ADAM30: variants seen among roughly 807,000 people sequenced by gnomAD.
ADAM30 encodes ADAM metallopeptidase domain 30.
For missense variants in ADAM30, 960 were observed against 959.4 expected (o/e 1.00, Z -0.01); for synonymous variants, 382 against 340.9 (o/e 1.12, Z -1.33).
chr1:119,894,534 A>C lies in ADAM30; in HGVS notation c.1803T>G (p.Pro601=), dbSNP rs1648520008. 1.2e-6 allele frequency: 2 copies of C among 1,613,888 alleles called. No homozygotes were observed. The highest frequency in any genetic ancestry group is 1.7e-6 in the Non-Finnish European group (2 of 1,180,050). ...TGCCATCATTTATCATACCTAGGTC[A>C]GGTATTCCCATGGGTTTCATGGATA... ...YHLSMKPMGI[P]DLGMINDGTS... Residue 601 remains proline, a synonymous_variant, in exon 1 of 1, where the codon CCT becomes CCG. Transcript: ENST00000369400.
rs587666224 is a variant in ADAM30, at chr1:119,896,384, C to T, written c.-48G>A. On this transcript the variant is annotated 5_prime_UTR_variant, in exon 1 of 1. Coordinates refer to ENST00000369400, the MANE Select transcript of ADAM30 (RefSeq NM_021794.4). ...AGTTTGCTATTCAGTCCCTGCAACT[C>T]TGGCCTCGCGAGTCAGATTTCTGGG... 2.0e-6 allele frequency: 3 copies of T among 1,484,582 alleles called. No homozygotes were observed. In the African/African-American group the frequency reaches 4.2e-5, roughly 21 times the overall value. The allele number at this position is 1,484,582 out of a possible 1,614,324, so 92.0% of individuals were successfully genotyped here. A position where few individuals can be genotyped will look rare whatever the true frequency, so the allele number is the denominator to read the frequency against.
rs763926510 is a variant in ADAM30 at position 119,894,536 on chromosome 1, G to C, written c.1801C>G (p.Pro601Ala). The change falls in exon 1 of 1, where the codon CCT (proline) becomes GCT (alanine). Residue 601 changes from proline to alanine, a missense_variant. Transcript: ENST00000369400. ...CCATCATTTATCATACCTAGGTCAG[G>C]TATTCCCATGGGTTTCATGGATAGA... ...YHLSMKPMGI[P>A]DLGMINDGTS... 3 of 1,613,914 alleles carry C rather than the reference G, an allele frequency of 1.9e-6. No individual in the cohort carries two copies. Among genetic ancestry groups the C allele is most frequent in the Non-Finnish European group, 2.5e-6 (3 of 1,180,034 alleles).
At position 119,895,125 on chromosome 1, in the gene ADAM30, G is replaced by A; in HGVS notation, c.1212C>T (p.Asn404=). The A allele has an allele frequency of 6.2e-7, 1 of 1,614,084 alleles. No individual in the cohort carries two copies. The highest frequency in any genetic ancestry group is 1.3e-5 in the African/African-American group (1 of 75,032). Reference sequence around the variant, plus strand: ...ATTCCTCATTGTCCTCCACAATTTTGTTTCCACATCTCTTAAGCACATAAC... The same window carrying A: ...ATTCCTCATTGTCCTCCACAATTTTATTTCCACATCTCTTAAGCACATAAC... The part of the protein sequence containing the change: ...GLGYVLKRCG[N]KIVEDNEECD... Residue 404 remains asparagine, a synonymous_variant, in exon 1 of 1, where the codon AAC becomes AAT. Coordinates refer to ENST00000369400, the MANE Select transcript of ADAM30 (RefSeq NM_021794.4).
rs774566440 is a variant in ADAM30 at position 119,894,159 on chromosome 1, G to C, written c.2178C>G (p.Ser726=). The change falls in exon 1 of 1, where the codon TCC becomes TCG. Residue 726 remains serine, a synonymous_variant. Coordinates refer to ENST00000369400, the MANE Select transcript of ADAM30 (RefSeq NM_021794.4). ...ATTCTTCCTGTTCAGTTTTTGCTTT[G>C]GATAGTGGCATTTTTTCCTGTTTGG... is the stretch of plus-strand genomic sequence containing the variant. ...LKPKQEKMPL[S]KAKTEQEESK... 10 of 1,613,022 alleles carry C rather than the reference G, an allele frequency of 6.2e-6. No homozygotes were observed. In the East Asian group the frequency reaches 1.8e-4, roughly 29 times the overall value.
chr1:119,895,080 C>T lies in ADAM30; in HGVS notation c.1257G>A (p.Glu419=). 6.2e-7 allele frequency: 1 copy of T among 1,614,170 alleles called. No individual in the cohort carries two copies. Among genetic ancestry groups the T allele is most frequent in the Non-Finnish European group, 8.5e-7 (1 of 1,180,038 alleles). ...DNEECDCGST[E]ECQKDRCCQS... is the part of the protein sequence containing the mutation. ...GGCAACACCGATCTTTCTGACACTC[C>T]TCTGTGGAACCACAGTCACATTCCT... The change falls in exon 1 of 1, where the codon GAG becomes GAA. Residue 419 remains glutamate, a synonymous_variant. Coordinates refer to ENST00000369400, the MANE Select transcript of ADAM30 (RefSeq NM_021794.4).
In ADAM30 at chr1:119,894,991, C is replaced by T. The variant is rs762145751; in HGVS notation, c.1346G>A (p.Arg449Gln). The change falls in exon 1 of 1, where the codon CGG becomes CAG. Residue 449 changes from arginine (R) to glutamine (Q), a missense_variant. By Grantham distance (43) the Arg-to-Gln change is conservative (BLOSUM62 1). Transcript: ENST00000369400. ...CSIGLCCHDC[R>Q]FRPSGYVCRQ... Reference sequence around the variant, plus strand: ...ACACACGTATCCAGATGGACGAAACCGACAATCATGACAGCAAAGTCCAAT... The same window carrying T: ...ACACACGTATCCAGATGGACGAAACTGACAATCATGACAGCAAAGTCCAAT... The T allele has an allele frequency of 6.2e-6, 10 of 1,614,034 alleles. No individual in the cohort carries two copies. The highest frequency in any genetic ancestry group is 3.3e-5 in the South Asian group (3 of 91,086).
At position 119,895,768 on chromosome 1, in the gene ADAM30, G is replaced by A. The variant is rs1336336681; in HGVS notation, c.569C>T (p.Ala190Val). The A allele has an allele frequency of 1.2e-6, 2 of 1,613,930 alleles. No homozygotes were observed. The highest frequency in any genetic ancestry group is 1.7e-6 in the Non-Finnish European group (2 of 1,180,000). The change falls in exon 1 of 1, where the codon GCG becomes GTG. Residue 190 changes from alanine to valine, a missense_variant. Physicochemically the swap from Ala to Val is moderately conservative, Grantham distance 64. Coordinates refer to ENST00000369400, the MANE Select transcript of ADAM30 (RefSeq NM_021794.4). ...GGATCCAGGAAAGTCCCTTAGCCTCGCCTTATTCTCATAAGGGGCCATCTG... is the reference window on the plus strand; with the variant it reads ...GGATCCAGGAAAGTCCCTTAGCCTCACCTTATTCTCATAAGGGGCCATCTG... ...EWQMAPYENK[A>V]RLRDFPGSYK...
rs377252026 is a variant in ADAM30 at position 119,895,927 on chromosome 1, A to C, written c.410T>G (p.Phe137Cys). The change falls in exon 1 of 1, where the codon TTT becomes TGT. Residue 137 changes from phenylalanine to cysteine, a missense_variant. Physicochemically the swap from Phe to Cys is radical, Grantham distance 205 (BLOSUM62 -2). Coordinates refer to ENST00000369400, the MANE Select transcript of ADAM30 (RefSeq NM_021794.4). ...TTGGTAATGTTTGGCATCAATGTTA[A>C]ATACACCTCGGAGACCCCCCATGCA... ...STCMGGLRGV[F>C]NIDAKHYQIE... is the part of the protein sequence containing the mutation. 31 of 1,614,150 alleles carry C rather than the reference A, an allele frequency of 1.9e-5. No homozygotes were observed. The highest frequency in any genetic ancestry group is 2.3e-5 in the Non-Finnish European group (27 of 1,180,030).
Position 119,895,670 on chromosome 1 carries a change from G to A in ADAM30, c.667C>T (p.Leu223Phe). 1 of 1,614,126 alleles carries A rather than the reference G, an allele frequency of 6.2e-7. No individual in the cohort carries two copies. Among genetic ancestry groups the A allele is most frequent in the South Asian group, 1.1e-5 (1 of 91,070 alleles). Residue 223 changes from leucine (L) to phenylalanine (F), a missense_variant, in exon 1 of 1, where the codon CTT (leucine) becomes TTT (phenylalanine). Coordinates refer to ENST00000369400, the MANE Select transcript of ADAM30 (RefSeq NM_021794.4). ...QSRYRFVNNN[L>F]SQVIHDAILL... ...ATGGCATCATGTATGACTTGAGAAA[G>A]ATTGTTGTTCACAAACCTATACCTA...
chr1:119,893,888 A>C lies in ADAM30; in HGVS notation c.*76T>G. 6.6e-7 allele frequency: 1 copy of C among 1,524,360 alleles called. No individual in the cohort carries two copies. The highest frequency in any genetic ancestry group is 8.8e-7 in the Non-Finnish European group (1 of 1,142,702). 94.4% of individuals were successfully genotyped at this position (1,524,360 alleles called of 1,614,324 possible). On this transcript the variant is annotated 3_prime_UTR_variant, in exon 1 of 1. Transcript: ENST00000369400. ...AAAGTAAAAAAATATTGGGAGAAGA[A>C]TGGAAAGCCTTTGGATAAATGATTA...
At position 119,894,603 on chromosome 1, in the gene ADAM30, A is replaced by G. The variant is rs1557794544; in HGVS notation, c.1734T>C (p.His578=). The change falls in exon 1 of 1, where the codon CAT becomes CAC. Residue 578 remains histidine (H), a synonymous_variant. Coordinates refer to ENST00000369400, the MANE Select transcript of ADAM30 (RefSeq NM_021794.4). ...AGCACATGAGATTTTCTGCCTGTAA[A>G]TGAGTAGAAATTATAGTCGTATGCT... is the stretch of plus-strand genomic sequence containing the variant. ...LPEHTTIIST[H]LQAENLMCWG... is the part of the protein sequence containing the mutation. The G allele has an allele frequency of 2.5e-6, 4 of 1,614,192 alleles. No individual in the cohort carries two copies. The highest frequency in any genetic ancestry group is 3.4e-6 in the Non-Finnish European group (4 of 1,180,052).
chr1:119,894,829 C>A lies in ADAM30; in HGVS notation c.1508G>T (p.Arg503Ile). The A allele has an allele frequency of 6.2e-7, 1 of 1,614,248 alleles. No individual in the cohort carries two copies. Among genetic ancestry groups the A allele is most frequent in the Non-Finnish European group, 8.5e-7 (1 of 1,180,042 alleles). ...GRCFRKGCRSRYMQCQSIFGP... is the reference protein window; with the variant it reads ...GRCFRKGCRSIYMQCQSIFGP... ...AAAAATGCTTTGGCACTGCATATAT[C>A]TGGATCTGCACCCCTTCCTGAAACA... Residue 503 changes from arginine (R) to isoleucine (I), a missense_variant, in exon 1 of 1, where the codon AGA (arginine) becomes ATA (isoleucine). Coordinates refer to ENST00000369400, the MANE Select transcript of ADAM30 (RefSeq NM_021794.4).
Position 119,895,309 on chromosome 1 carries a change from G to A in ADAM30, c.1028C>T (p.Ala343Val). The part of the protein sequence containing the change: ...ATWSAHELGH[A>V]VGMSHDEQYC... ...TTGTTCATCATGTGACATTCCTACA[G>A]CATGACCCAGCTCATGAGCAGACCA... The change falls in exon 1 of 1, where the codon GCT (alanine) becomes GTT (valine). Residue 343 changes from alanine to valine, a missense_variant. Transcript: ENST00000369400. The A allele has an allele frequency of 6.2e-7, 1 of 1,614,072 alleles. No homozygotes were observed. Among genetic ancestry groups the A allele is most frequent in the Non-Finnish European group, 8.5e-7 (1 of 1,180,012 alleles).
Position 119,894,266 on chromosome 1 carries a change from T to C in ADAM30, c.2071A>G (p.Ile691Val). The C allele has an allele frequency of 6.2e-7, 1 of 1,614,242 alleles. No homozygotes were observed. The highest frequency in any genetic ancestry group is 8.5e-7 in the Non-Finnish European group (1 of 1,180,046). The change falls in exon 1 of 1, where the codon ATC (isoleucine) becomes GTC (valine). Residue 691 changes from isoleucine (I) to valine (V), a missense_variant. Coordinates refer to ENST00000369400, the MANE Select transcript of ADAM30 (RefSeq NM_021794.4). ...AATAAAATAAGGCGAAACATTATGA[T>C]GGACACAACCCAAATTGACGAGGGA... ...AIPSSIWVVS[I>V]IMFRLILLIL... is the part of the protein sequence containing the mutation.
Position 119,895,960 on chromosome 1 carries a change from A to G in ADAM30, c.377T>C (p.Ile126Thr). Residue 126 changes from isoleucine to threonine, a missense_variant, in exon 1 of 1, where the codon ATA becomes ACA. Transcript: ENST00000369400. ...VKESLDSKAT[I>T]STCMGGLRGV... Reference sequence around the variant, plus strand: ...TCGGAGACCCCCCATGCATGTGCTTATAGTAGCTTTAGAGTCCAGAGACTC... The same window carrying G: ...TCGGAGACCCCCCATGCATGTGCTTGTAGTAGCTTTAGAGTCCAGAGACTC... The G allele has an allele frequency of 6.2e-7, 1 of 1,614,154 alleles. No homozygotes were observed.
rs1290252266 is a variant in ADAM30, at chr1:119,895,774, T to TTC, written c.561_562dup (p.Asn188ArgfsTer6). On this transcript the variant is annotated frameshift_variant, in exon 1 of 1. Coordinates refer to ENST00000369400, the MANE Select transcript of ADAM30 (RefSeq NM_021794.4). LOFTEE classifies it low-confidence loss of function (END_TRUNC). ...AGGAAAGTCCCTTAGCCTCGCCTTA[T>TTC]TCTCATAAGGGGCCATCTGCCATTC... 6.2e-7 allele frequency: 1 copy of TTC among 1,614,030 alleles called. No individual in the cohort carries two copies. Among genetic ancestry groups the TTC allele is most frequent in the African/African-American group, 1.3e-5 (1 of 74,916 alleles).
At position 119,896,070 on chromosome 1, in the gene ADAM30, G is replaced by A. The variant is rs767005904; in HGVS notation, c.267C>T (p.Arg89=). 6.2e-7 allele frequency: 1 copy of A among 1,614,128 alleles called. No individual in the cohort carries two copies. The highest frequency in any genetic ancestry group is 8.5e-7 in the Non-Finnish European group (1 of 1,180,030). ...CCCCATGTTCTGTGAAGGAGAAAACGCGCAGATGTCGGGGCAACAGAAGTC... is the reference window on the plus strand; with the variant it reads ...CCCCATGTTCTGTGAAGGAGAAAACACGCAGATGTCGGGGCAACAGAAGTC... ...PKRLLLPRHL[R]VFSFTEHGEL... The change falls in exon 1 of 1, where the codon CGC becomes CGT. Residue 89 remains arginine (R), a synonymous_variant. Transcript: ENST00000369400.
chr1:119,893,895 G>C lies in ADAM30; in HGVS notation c.*69C>G. 6.5e-7 allele frequency: 1 copy of C among 1,530,722 alleles called. No homozygotes were observed. Among genetic ancestry groups the C allele is most frequent in the Non-Finnish European group, 8.7e-7 (1 of 1,145,948 alleles). 94.8% of individuals were successfully genotyped at this position (1,530,722 alleles called of 1,614,324 possible). On this transcript the variant is annotated 3_prime_UTR_variant, in exon 1 of 1. Transcript: ENST00000369400. ...AAAAATATTGGGAGAAGAATGGAAA[G>C]CCTTTGGATAAATGATTAGCTGGTT...
chr1:119,895,819 C>T lies in ADAM30; in HGVS notation c.518G>A (p.Gly173Asp). ...KKEQFGNQVC[G>D]LSDDEIEWQM... Reference sequence around the variant, plus strand: ...CCATTCTATTTCATCATCACTTAAGCCACAAACCTGATTCCCAAACTGCTC... The same window carrying T: ...CCATTCTATTTCATCATCACTTAAGTCACAAACCTGATTCCCAAACTGCTC... The change falls in exon 1 of 1, where the codon GGC becomes GAC. Residue 173 changes from glycine to aspartate, a missense_variant. Physicochemically the swap from Gly to Asp is moderately conservative, Grantham distance 94. Transcript: ENST00000369400. The T allele has an allele frequency of 6.2e-7, 1 of 1,614,174 alleles. No homozygotes were observed. The highest frequency in any genetic ancestry group is 8.5e-7 in the Non-Finnish European group (1 of 1,180,024).
Sources: allele counts gnomAD v4.1 joint callset, GRCh38; gene constraint gnomAD v4.1.1; transcripts MANE v1.5; gene names NCBI Gene and HGNC (gene_info 2026-07-23, HGNC 2026-07-21).